The following RABL3 variants were observed in gnomAD, a reference collection of about 807,000 sequenced individuals.
RABL3 encodes the protein rab-like protein 3.
In RABL3, 31 loss-of-function variants were observed where a neutral mutation model predicts 31.8. The observed-to-expected ratio is 0.97, with a 90% CI of 0.73 to 1.31. The LOEUF (loss-of-function observed/expected upper bound fraction) is 1.31, where lower values mean the gene tolerates loss of function less well. Ranked by LOEUF, RABL3 falls within the 40% of genes most tolerant of loss-of-function variation. RABL3 has a pLI of 0.00. For synonymous variants in RABL3, 97 were observed against 99.9 expected, an observed-to-expected ratio of 0.97 and a Z score of 0.18; for missense variants, 263 against 279.6, an observed-to-expected ratio of 0.94 and a Z score of 0.42.
chr3:120,700,745 A>G (rs761897536), intron 4 of RABL3, among the ~76,000 whole-genome samples: 1 of 152,100 alleles, frequency 6.6e-6, no homozygotes, highest in African/African-American at 2.4e-5. Context: ...TCCAGTTGAG[A>G]GTGGGAGAAG....
intron 6 of RABL3, among the ~76,000 whole-genome samples, chr3:120,693,082 C>T (rs923682080): frequency 4.6e-5 from 7 of 152,096 alleles, no homozygotes; most frequent in African/African-American, 1.2e-4. Context: ...AAAATGGAAG[C>T]GGTTGCCAAT....
intron 5 of RABL3, among the ~76,000 whole-genome samples, chr3:120,695,396 C>G (rs1708426222): frequency 6.6e-6 from 1 of 152,122 alleles, no homozygotes. Flanking sequence ...CATTTCTACT[C>G]TGTGTAACAC....
intron 1 of RABL3, among the ~76,000 whole-genome samples, chr3:120,733,050 T>C (rs1708906532): frequency 6.6e-6 from 1 of 152,202 alleles, no homozygotes; most frequent in South Asian, 2.1e-4. Context: ...TATAGCAGCA[T>C]GATTTATAGT....
intron 1 of RABL3, among the ~76,000 whole-genome samples, chr3:120,736,168 C>T (rs568389858): frequency 7.9e-5 from 12 of 152,094 alleles, no homozygotes; most frequent in South Asian, 2.1e-4. Flanking sequence ...ATTTTTATTG[C>T]GTGGGAGTCT....
intron 1 of RABL3, among the ~76,000 whole-genome samples, chr3:120,737,165 T>G (rs1344132469): frequency 1.3e-5 from 2 of 152,268 alleles, no homozygotes; most frequent in Non-Finnish European, 2.9e-5. Context: ...GGTACACCAA[T>G]CAGACATAGA....
intron 3 of RABL3, among the ~76,000 whole-genome samples, chr3:120,708,124 T>C (rs545212132): frequency 2.0e-5 from 3 of 152,062 alleles, no homozygotes; most frequent in East Asian, 1.9e-4. Flanking sequence ...GGATAGTAGA[T>C]GGAATAAAGA....
intron 2 of RABL3, among the ~76,000 whole-genome samples, chr3:120,723,751 C>T (rs1708779577): frequency 6.6e-6 from 1 of 152,144 alleles, no homozygotes; most frequent in African/African-American, 2.4e-5. Flanking sequence ...TTCAACAACC[C>T]TTCATGCTAA....
intron 1 of RABL3, among the ~76,000 whole-genome samples, chr3:120,732,321 T>C (rs534812941): frequency 6.6e-6 from 1 of 152,148 alleles, no homozygotes; most frequent in African/African-American, 2.4e-5. Context: ...TGAACCCACA[T>C]AGGGAGAACT....
intron 5 of RABL3, among the ~76,000 whole-genome samples, chr3:120,695,626 T>C (rs983716441): frequency 9.2e-5 from 14 of 152,288 alleles, no homozygotes; most frequent in African/African-American, 3.4e-4. Flanking sequence ...ATTCCATATA[T>C]GGATTATGTA....
intron 4 of RABL3, among the ~76,000 whole-genome samples, chr3:120,701,052 C>T (rs758579914): frequency 3.2e-4 from 48 of 152,014 alleles, no homozygotes; most frequent in Non-Finnish European, 5.7e-4. Flanking sequence ...CTATAGGTTA[C>T]CATTTTTATT....
rs568250716 is a variant in RABL3, at chr3:120,735,770, A to G, written c.47-4983T>C. 6.6e-5 allele frequency among the ~76,000 whole-genome samples: 10 copies of G among 152,352 alleles called. No homozygotes were observed. In the South Asian group the frequency reaches 2.1e-3, roughly 32 times the overall value. On this transcript the variant is annotated intron_variant, in intron 1 of 7. Coordinates refer to ENST00000273375, the MANE Select transcript of RABL3 (RefSeq NM_173825.5). Reference sequence around the variant, plus strand: ...TCTTTGTTCCCATTGGTTTCAAAGAACATCTTCATTTCTGCCTTCATTTCA... The same window carrying G: ...TCTTTGTTCCCATTGGTTTCAAAGAGCATCTTCATTTCTGCCTTCATTTCA...
intron 5 of RABL3, among the ~76,000 whole-genome samples, chr3:120,697,141 C>A (rs1254425562): frequency 6.6e-6 from 1 of 152,200 alleles, no homozygotes; most frequent in African/African-American, 2.4e-5. Flanking sequence ...AATACACAAT[C>A]AGATTTGGGT....
chr3:120,725,652 A>G (rs984445592), intron 2 of RABL3, among the ~76,000 whole-genome samples: 1 of 152,220 alleles, frequency 6.6e-6, no homozygotes, highest in Non-Finnish European at 1.5e-5. Context: ...TTGTAGGGAC[A>G]TGGATGAAGC....
At chr3:120,730,027 A>G (rs899916706) in intron 2 of RABL3, among the ~76,000 whole-genome samples, 1 of 152,204 alleles carries the variant, frequency 6.6e-6, no homozygotes, top group Non-Finnish European at 1.5e-5. Flanking sequence ...AAAAAGAAAT[A>G]ATAATTAGTC....
intron 4 of RABL3, among the ~76,000 whole-genome samples, chr3:120,703,075 C>T (rs896790094): frequency 2.0e-5 from 3 of 152,130 alleles, no homozygotes; most frequent in Admixed American, 1.3e-4. Context: ...GAAAGCAACC[C>T]CATGAAGTAG....
chr3:120,733,304 T>C (rs758141593), intron 1 of RABL3, among the ~76,000 whole-genome samples: 13 of 152,226 alleles, frequency 8.5e-5, no homozygotes, highest in Non-Finnish European at 1.8e-4. Flanking sequence ...TGCATTTCTC[T>C]GATGGCCAGT....
intron 2 of RABL3, among the ~76,000 whole-genome samples, chr3:120,718,514 T>A (rs1708697064): frequency 6.6e-6 from 1 of 152,234 alleles, no homozygotes; most frequent in Non-Finnish European, 1.5e-5. Flanking sequence ...CACTTGGCAA[T>A]ATGATTGCAC....
chr3:120,704,785 C>T (rs147475415), intron 4 of RABL3, among the ~76,000 whole-genome samples: 3 of 152,216 alleles, frequency 2.0e-5, no homozygotes, highest in South Asian at 2.1e-4. Context: ...GTGGCTCATG[C>T]CTGTAACCCA....
chr3:120,719,222 A>G (rs1708706353), intron 2 of RABL3, among the ~76,000 whole-genome samples: 1 of 152,220 alleles, frequency 6.6e-6, no homozygotes, highest in Non-Finnish European at 1.5e-5. Context: ...GGGAGGGTGG[A>G]GCCAGGATGG....
Sources: gnomAD v4.1 joint callset for allele counts (sites outside exome capture counted in the v4.1 genomes callset) on GRCh38, gnomAD v4.1.1 for gene constraint, MANE v1.5 for transcripts, NCBI Gene and HGNC (gene_info 2026-07-23, HGNC 2026-07-21) for gene names.